The following CHD9 variants were observed in gnomAD, a reference collection of about 807,000 sequenced individuals.
The protein encoded by CHD9 is ATP-dependent chromatin remodeler CHD9.
A neutral mutation model predicts 316.1 loss-of-function variants in CHD9; 77 were observed. The observed-to-expected ratio is 0.24, with a 90% CI of 0.20 to 0.29. CHD9 has a LOEUF of 0.29. CHD9 is among the 10% of genes least tolerant of loss of function. The pLI is 1.00. For synonymous variants in CHD9, 1,129 were observed against 1,158.3 expected (o/e 0.97, Z 0.51); for missense variants, 2,763 against 3,438.1 (o/e 0.80, Z 4.91).
intron 20 of CHD9, among the ~76,000 whole-genome samples, chr16:53,267,082 A>C (rs1467839895): frequency 2.0e-5 from 3 of 152,188 alleles, no homozygotes; most frequent in Non-Finnish European, 4.4e-5. Flanking sequence ...TTATCCTATG[A>C]CTATAATGTC....
chr16:53,143,689 A>C (rs888985787), intron 1 of CHD9, among the ~76,000 whole-genome samples: 1 of 152,168 alleles, frequency 6.6e-6, no homozygotes, highest in Non-Finnish European at 1.5e-5. Context: ...GCCCGGCCTC[A>C]TAATGATTTT....
intron 1 of CHD9, among the ~76,000 whole-genome samples, chr16:53,075,740 C>A (rs543592471): frequency 1.6e-4 from 25 of 152,192 alleles, no homozygotes; most frequent in Non-Finnish European, 2.9e-5. Context: ...CCAATTAAAT[C>A]TCTTTTCCTT....
At chr16:53,318,425 T>G in intron 37 of CHD9, 85 bp downstream of exon 37, 1 of 1,044,752 alleles carries the variant, frequency 9.6e-7, no homozygotes, top group Non-Finnish European at 1.3e-6. Context: ...TGTGGTGGTG[T>G]TTTCTAACAG....
chr16:53,149,272 T>C (rs1464464292), intron 1 of CHD9, among the ~76,000 whole-genome samples: 1 of 152,338 alleles, frequency 6.6e-6, no homozygotes, highest in South Asian at 2.1e-4. Flanking sequence ...TTAGGTCTAA[T>C]TGGTTTGTAG....
At chr16:53,098,912 G>A (rs1341420713) in intron 1 of CHD9, among the ~76,000 whole-genome samples, 5 of 152,190 alleles carry the variant, frequency 3.3e-5, no homozygotes. Flanking sequence ...TCAGAGCCAG[G>A]CCAAAGGAGT....
chr16:53,133,661 C>CA (rs1314634680), intron 1 of CHD9, among the ~76,000 whole-genome samples: 1 of 152,090 alleles, frequency 6.6e-6, no homozygotes, highest in Non-Finnish European at 1.5e-5. Flanking sequence ...CCTCTGAAAT[C>CA]AAAAACTTAT....
chr16:53,104,214 G>T (rs1470594746), intron 1 of CHD9, among the ~76,000 whole-genome samples: 1 of 152,212 alleles, frequency 6.6e-6, no homozygotes, highest in Non-Finnish European at 1.5e-5. Flanking sequence ...CCAGCACAAA[G>T]ATTTGGCCAT....
intron 1 of CHD9, among the ~76,000 whole-genome samples, chr16:53,078,556 C>T (rs2034750863): frequency 6.6e-6 from 1 of 152,146 alleles, no homozygotes; most frequent in African/African-American, 2.4e-5. Context: ...TCTGTTATAG[C>T]AACATAAAAC....
Position 53,245,911 on chromosome 16 carries a change from A to G in CHD9, c.3454+61A>G. ...TTGCAACAAATACTAATGAATAAAT[A>G]AACAGAACACACTACAGCTGTAGTG... On this transcript the variant is annotated intron_variant, in intron 15 of 38. Transcript: ENST00000447540. The surrounding 1 kb of genome is among the most constrained non-coding windows in gnomAD (Gnocchi z 4.1). The G allele has an allele frequency of 8.2e-7, 1 of 1,213,416 alleles. No individual in the cohort carries two copies. Among genetic ancestry groups the G allele is most frequent in the East Asian group, 2.6e-5 (1 of 38,348 alleles). The allele number at this position is 1,213,416 out of a possible 1,614,324, so 75.2% of individuals were successfully genotyped here. A position where few individuals can be genotyped will look rare whatever the true frequency, so the allele number is the denominator to read the frequency against.
chr16:53,167,709 T>C (rs1472752858), intron 2 of CHD9, among the ~76,000 whole-genome samples: 2 of 152,122 alleles, frequency 1.3e-5, no homozygotes, highest in East Asian at 1.9e-4. Flanking sequence ...TATATACATA[T>C]CATATATAGC....
At chr16:53,271,521 A>G (rs545746145) in intron 22 of CHD9, among the ~76,000 whole-genome samples, 2 of 151,990 alleles carry the variant, frequency 1.3e-5, no homozygotes, top group Non-Finnish European at 2.9e-5. Context: ...GTGAGCCGAG[A>G]TCACGCTACT....
chr16:53,166,806 A>G (rs542311733), intron 2 of CHD9, among the ~76,000 whole-genome samples: 1 of 152,174 alleles, frequency 6.6e-6, no homozygotes, highest in South Asian at 2.1e-4. Context: ...CTATGTAAGG[A>G]ATACTTTACA....
At chr16:53,260,115 C>T (rs554214582) in intron 19 of CHD9, among the ~76,000 whole-genome samples, 1 of 152,152 alleles carries the variant, frequency 6.6e-6, no homozygotes, top group African/African-American at 2.4e-5. Flanking sequence ...TTTTAACATA[C>T]TTATTTTATA....
chr16:53,316,676 C>T (rs958999474), intron 36 of CHD9, among the ~76,000 whole-genome samples: 2 of 152,144 alleles, frequency 1.3e-5, no homozygotes. Flanking sequence ...ATCTCACACT[C>T]TATTGTAGTA....
In CHD9 at chr16:53,109,677, CTTTTTTTTTT is replaced by C. The variant is rs1166073629; in HGVS notation, c.-164-46233_-164-46224del. On this transcript the variant is annotated intron_variant, in intron 1 of 38. Transcript: ENST00000447540. The stretch of plus-strand genomic sequence containing the variant: ...GCCTAAAAATTTGGATTCCCAGTTT[CTTTTTTTTTT>C]TTTTTTTTTTTTTTTGAGATGGAGT... Among the ~76,000 whole-genome samples, 16 of 71,608 alleles carry C rather than the reference CTTTTTTTTTT, an allele frequency of 2.2e-4. No homozygotes were observed. The East Asian group carries it at 6.6e-3, about 30-fold the overall frequency. 47.0% of individuals were successfully genotyped at this position (71,608 alleles called of 152,430 possible). A position where few individuals can be genotyped will look rare whatever the true frequency, so the allele number is the denominator to read the frequency against.
chr16:53,153,824 G>A (rs2041303902), intron 1 of CHD9, among the ~76,000 whole-genome samples: 1 of 152,158 alleles, frequency 6.6e-6, no homozygotes, highest in Non-Finnish European at 1.5e-5. Context: ...ATAGGTGTGA[G>A]CCACTGCACC....
At chr16:53,224,306 T>G (rs2047472958) in intron 4 of CHD9, among the ~76,000 whole-genome samples, 1 of 152,238 alleles carries the variant, frequency 6.6e-6, no homozygotes, top group Admixed American at 6.5e-5. Flanking sequence ...GTTTTTAAAC[T>G]AGTAGCGACG....
intron 1 of CHD9, among the ~76,000 whole-genome samples, chr16:53,069,656 A>G (rs9926101): frequency 0.65 from 98,429 of 152,056 alleles, 32,500 homozygotes; most frequent in African/African-American, 0.68. Context: ...CACTTGGGTT[A>G]CTTCCACTTT....
intron 29 of CHD9, among the ~76,000 whole-genome samples, chr16:53,296,434 A>T (rs952112338): frequency 1.5e-3 from 152 of 101,778 alleles, no homozygotes; most frequent in Non-Finnish European, 2.4e-3. Flanking sequence ...TTAAAAGTAA[A>T]TTTTTTTTTT....
Sources: allele counts gnomAD v4.1 joint callset (sites outside exome capture counted in the v4.1 genomes callset), GRCh38; gene constraint gnomAD v4.1.1; non-coding constraint Gnocchi (gnomAD v3.1); transcripts MANE v1.5; gene names NCBI Gene and HGNC (gene_info 2026-07-23, HGNC 2026-07-21).